Variants in ZNF528 observed in about 807,000 individuals in gnomAD.
ZNF528 encodes zinc finger protein 528.
A neutral mutation model predicts 13.3 loss-of-function variants in ZNF528; 9 were observed. The observed-to-expected ratio is 0.67, with a 90% CI of 0.41 to 1.18. The LOEUF is 1.18. Ranked by LOEUF, ZNF528 falls within the 50% of genes most tolerant of loss-of-function variation. The pLI is 0.01. For synonymous variants in ZNF528, 264 were observed against 254.3 expected, an observed-to-expected ratio of 1.04 and a Z score of -0.36; for missense variants, 858 against 745.4, an observed-to-expected ratio of 1.15 and a Z score of -1.76.
intron 2 of ZNF528, among the ~76,000 whole-genome samples, chr19:52,400,239 C>T (rs1287557425): frequency 6.7e-6 from 1 of 149,756 alleles, no homozygotes. Flanking sequence ...CACACACACA[C>T]ACACACACAC....
chr19:52,409,145 A>G lies in ZNF528; in HGVS notation c.271+2502A>G, dbSNP rs117997070. ...CCTGAAGATGTCTGCTGGAAAATAT[A>G]TATAATCTTACAGAGTTTAGTATTG... On this transcript the variant is annotated intron_variant, in intron 6 of 6. Transcript: ENST00000360465. 7.9e-3 allele frequency among the ~76,000 whole-genome samples: 1,203 copies of G among 152,216 alleles called. 18 individuals carry two copies. The highest frequency in any genetic ancestry group is 0.037 in the Middle Eastern group (11 of 294).
Position 52,417,568 on chromosome 19 carries a change from T to A in ZNF528, c.*829T>A, listed in dbSNP as rs952771683. 4 of 152,634 alleles carry A rather than the reference T, an allele frequency of 2.6e-5. No homozygotes were observed. Among genetic ancestry groups the A allele is most frequent in the Non-Finnish European group, 5.8e-5 (4 of 68,380 alleles). 9.5% of individuals were successfully genotyped at this position (152,634 alleles called of 1,614,324 possible). On this transcript the variant is annotated 3_prime_UTR_variant, in exon 7 of 7. Transcript: ENST00000360465. Reference sequence around the variant, plus strand: ...TAATGCAAGGAAAAAGGTAGCCACCTTCTCCATTGAACAGCAGTACCTGCT... The same window carrying A: ...TAATGCAAGGAAAAAGGTAGCCACCATCTCCATTGAACAGCAGTACCTGCT...
chr19:52,408,341 T>G (rs1490364122), intron 6 of ZNF528: 7 of 151,028 alleles, frequency 4.6e-5, no homozygotes, highest in Non-Finnish European at 1.0e-4. Flanking sequence ...AATTTTTGTA[T>G]TTTTAGTAGA....
chr19:52,414,579 G>A, intron 6 of ZNF528: 1 of 467,704 alleles, frequency 2.1e-6, no homozygotes. Context: ...AATGAGCATG[G>A]CACCAGGGAG....
At position 52,416,152 on chromosome 19, in the gene ZNF528, G is replaced by A. The variant is rs965826149; in HGVS notation, c.1300G>A (p.Glu434Lys). 6.2e-7 allele frequency: 1 copy of A among 1,613,986 alleles called. No individual in the cohort carries two copies. Among genetic ancestry groups the A allele is most frequent in the African/African-American group, 1.3e-5 (1 of 74,924 alleles). ...LIRHRKTHTD[E>K]KPYKCNKCGT... is the part of the protein sequence containing the mutation. Reference sequence around the variant, plus strand: ...ACGACATCGAAAAACTCATACTGATGAGAAGCCTTACAAATGTAATAAATG... The same window carrying A: ...ACGACATCGAAAAACTCATACTGATAAGAAGCCTTACAAATGTAATAAATG... The change falls in exon 7 of 7, where the codon GAG becomes AAG. Residue 434 changes from glutamate (E) to lysine (K), a missense_variant. Coordinates refer to ENST00000360465, the MANE Select transcript of ZNF528 (RefSeq NM_032423.3).
chr19:52,401,261 A>G (rs941539198), intron 2 of ZNF528, among the ~76,000 whole-genome samples: 1 of 152,086 alleles, frequency 6.6e-6, no homozygotes, highest in African/African-American at 2.4e-5. Flanking sequence ...TCCCCCAGAC[A>G]TGTTCTCCCT....
chr19:52,399,607 TCAAAAAA>T (rs982762275), intron 2 of ZNF528, among the ~76,000 whole-genome samples: 69 of 152,176 alleles, frequency 4.5e-4, no homozygotes, highest in African/African-American at 8.9e-4. Flanking sequence ...AGACTCCATC[TCAAAAAA>T]CAAAAAACAA....
chr19:52,417,769 A>G lies in ZNF528; in HGVS notation c.*1030A>G, dbSNP rs1431765372. 6.6e-6 allele frequency: 1 copy of G among 151,788 alleles called. No individual in the cohort carries two copies. The highest frequency in any genetic ancestry group is 6.6e-5 in the Admixed American group (1 of 15,206). 9.4% of individuals were successfully genotyped at this position (151,788 alleles called of 1,614,324 possible). ...GTAGCTGAGACTACAGACGTGCGCC[A>G]CCACACCCAGTTCATTTTTGTATTT... On this transcript the variant is annotated 3_prime_UTR_variant, in exon 7 of 7. Coordinates refer to ENST00000360465, the MANE Select transcript of ZNF528 (RefSeq NM_032423.3).
intron 4 of ZNF528, 80 bp from the exon 5 acceptor site, chr19:52,405,827 C>A: frequency 6.4e-7 from 1 of 1,564,206 alleles, no homozygotes; most frequent in Admixed American, 1.7e-5. Context: ...GGAGTCAGTC[C>A]TTAACGACTG....
intron 5 of ZNF528, 76 bp from the exon 6 acceptor site, chr19:52,406,439 C>A: frequency 6.5e-7 from 1 of 1,543,924 alleles, no homozygotes; most frequent in Non-Finnish European, 8.7e-7. Context: ...ATTATAATAT[C>A]CTCTCTCCTC....
rs543203358 is a variant in ZNF528, at chr19:52,409,513, A to G, written c.271+2870A>G. Among the ~76,000 whole-genome samples, 15 of 152,120 alleles carry G rather than the reference A, an allele frequency of 9.9e-5. No homozygotes were observed. In the South Asian group the frequency reaches 3.1e-3, roughly 32 times the overall value. On this transcript the variant is annotated intron_variant, in intron 6 of 6. Coordinates refer to ENST00000360465, the MANE Select transcript of ZNF528 (RefSeq NM_032423.3). ...TTTCATTTAATTGTCTATCTCATTTATGTTTCAGCTGGTTAAGCATCTTAA... is the reference window on the plus strand; with the variant it reads ...TTTCATTTAATTGTCTATCTCATTTGTGTTTCAGCTGGTTAAGCATCTTAA...
At chr19:52,415,101 C>T in intron 6 of ZNF528, 23 bp from the exon 7 acceptor site, 1 of 1,609,786 alleles carries the variant, frequency 6.2e-7, no homozygotes, top group Non-Finnish European at 8.5e-7. Context: ...GGTTGAAGTT[C>T]CACTTTTTTC....
intron 2 of ZNF528, among the ~76,000 whole-genome samples, chr19:52,400,034 C>G (rs886816528): frequency 6.6e-6 from 1 of 152,122 alleles, no homozygotes; most frequent in Admixed American, 6.5e-5. Context: ...GTCTCTAGGA[C>G]TGTGTTCTTA....
At chr19:52,413,262 TA>T (rs2122582213) in intron 6 of ZNF528, 1 of 152,334 alleles carries the variant, frequency 6.6e-6, no homozygotes, top group East Asian at 1.9e-4. Context: ...ATATCCTCTG[TA>T]ATGTCTCCTT....
chr19:52,398,792 T>G (rs2058758132), intron 2 of ZNF528, among the ~76,000 whole-genome samples, 173 bp downstream of exon 2: 1 of 151,948 alleles, frequency 6.6e-6, no homozygotes, highest in Non-Finnish European at 1.5e-5. Context: ...TGGAGCCAGG[T>G]CAGACAGAGC....
Position 52,417,203 on chromosome 19 carries a change from TC to T in ZNF528, c.*466del. 1 of 282,424 alleles carries T rather than the reference TC, an allele frequency of 3.5e-6. No homozygotes were observed. Among genetic ancestry groups the T allele is most frequent in the Non-Finnish European group, 6.9e-6 (1 of 145,310 alleles). The allele number at this position is 282,424 out of a possible 1,614,324, so 17.5% of individuals were successfully genotyped here. A position where few individuals can be genotyped will look rare whatever the true frequency, so the allele number is the denominator to read the frequency against. ...GACTTCGAAATCTTTTCATGTGCCT[TC>T]CATACAGGCCATTCACTGTGGTCCC... On this transcript the variant is annotated 3_prime_UTR_variant, in exon 7 of 7. Coordinates refer to ENST00000360465, the MANE Select transcript of ZNF528 (RefSeq NM_032423.3).
At chr19:52,403,794 CAG>C (rs2058823863) in intron 4 of ZNF528, among the ~76,000 whole-genome samples, 1 of 151,322 alleles carries the variant, frequency 6.6e-6, no homozygotes, top group African/African-American at 2.4e-5. Flanking sequence ...GAGTGCACAA[CAG>C]TGGTTTTTAT....
intron 4 of ZNF528, among the ~76,000 whole-genome samples, chr19:52,403,125 A>G (rs1422343629): frequency 6.6e-6 from 1 of 152,222 alleles, no homozygotes; most frequent in Non-Finnish European, 1.5e-5. Flanking sequence ...AGTTGGTACA[A>G]TTTATACATT....
chr19:52,408,926 A>G (rs2058894113), intron 6 of ZNF528, among the ~76,000 whole-genome samples: 1 of 152,060 alleles, frequency 6.6e-6, no homozygotes, highest in African/African-American at 2.4e-5. Flanking sequence ...CTTTCATTTC[A>G]TCTTGAATGC....
Sources: allele counts gnomAD v4.1 joint callset (sites outside exome capture counted in the v4.1 genomes callset), GRCh38; gene constraint gnomAD v4.1.1; transcripts MANE v1.5; gene names NCBI Gene and HGNC (gene_info 2026-07-23, HGNC 2026-07-21).